PLD1: variants seen among roughly 807,000 people sequenced by gnomAD.
PLD1 encodes the protein choline phosphatase 1.
In PLD1, 112 loss-of-function variants were observed where a neutral mutation model predicts 137.1. That is an observed-to-expected ratio of 0.82 (90% confidence interval 0.70 to 0.96). PLD1 has a LOEUF of 0.96. PLD1 is among the 40% of genes least tolerant of loss of function. PLD1 has a pLI of 0.00. For missense variants in PLD1, 1,321 were observed against 1,342.0 expected (o/e 0.98, Z 0.24); for synonymous variants, 431 against 454.7 (o/e 0.95, Z 0.66).
intron 24 of PLD1, among the ~76,000 whole-genome samples, chr3:171,619,532 A>G (rs1453063524): frequency 1.3e-5 from 2 of 152,182 alleles, no homozygotes; most frequent in Non-Finnish European, 2.9e-5. Flanking sequence ...ACACATCAAC[A>G]AAGTTGGACT....
At chr3:171,770,888 C>CAAAAAAAAAAAAAAAAACAA (rs1722303160) in intron 1 of PLD1, among the ~76,000 whole-genome samples, 1 of 40,882 alleles carries the variant, frequency 2.4e-5, no homozygotes, top group African/African-American at 7.9e-5. Context: ...AACCCTATCT[C>CAAAAAAAAAAAAAAAAACAA]AAAAAAAAAA....
chr3:171,682,959 A>G (rs183235790), intron 16 of PLD1, among the ~76,000 whole-genome samples: 1 of 152,366 alleles, frequency 6.6e-6, no homozygotes, highest in East Asian at 1.9e-4. Context: ...TGAAAACAGT[A>G]CCAACAATGT....
At chr3:171,735,670 A>T (rs758806401) in intron 3 of PLD1, 33 bp from the exon 4 acceptor site, 1 of 1,285,552 alleles carries the variant, frequency 7.8e-7, no homozygotes, top group South Asian at 1.2e-5. Flanking sequence ...TTGATATTTT[A>T]GATAACAACA....
intron 1 of PLD1, among the ~76,000 whole-genome samples, chr3:171,754,476 C>G (rs972130920): frequency 6.6e-6 from 1 of 152,204 alleles, no homozygotes; most frequent in African/African-American, 2.4e-5. Context: ...AGTCCTGACC[C>G]CTCAACTTCA....
In PLD1 at chr3:171,709,671, C is replaced by T. The variant is rs371728710; in HGVS notation, c.950G>A (p.Arg317Gln). 49 of 1,613,872 alleles carry T rather than the reference C, an allele frequency of 3.0e-5. No individual in the cohort carries two copies. The highest frequency in any genetic ancestry group is 5.0e-5 in the Admixed American group (3 of 59,988). The change falls in exon 10 of 27, where the codon CGG (arginine) becomes CAG (glutamine). Residue 317 changes from arginine (R) to glutamine (Q), a missense_variant. Arg to Gln is a conservative substitution (Grantham distance 43, BLOSUM62 1). Coordinates refer to ENST00000351298, the MANE Select transcript of PLD1 (RefSeq NM_002662.5). The part of the protein sequence containing the change: ...ILKCNSYRHA[R>Q]WWGGAIEEFI... ...TTCTTCTATAGCCCCTCCCCACCAC[C>T]GAGCATGTCTATAGCTGTTGCATTT...
At chr3:171,672,826 G>A (rs149400257) in intron 19 of PLD1, among the ~76,000 whole-genome samples, 35 of 152,276 alleles carry the variant, frequency 2.3e-4, no homozygotes, top group Middle Eastern at 3.4e-3. Flanking sequence ...CGGAAAAAGC[G>A]AACGAAGAGA....
At chr3:171,628,695 GGCT>G (rs1436028970) in intron 23 of PLD1, among the ~76,000 whole-genome samples, 1 of 151,018 alleles carries the variant, frequency 6.6e-6, no homozygotes, top group African/African-American at 2.4e-5. Context: ...TGGGATGCAA[GGCT>G]GGTTCAATAT....
At chr3:171,706,276 T>TA (rs398106735) in intron 11 of PLD1, among the ~76,000 whole-genome samples, 55 of 152,028 alleles carry the variant, frequency 3.6e-4, no homozygotes, top group African/African-American at 1.3e-3. Flanking sequence ...TTTTTTTTTT[T>TA]AAATGCTGGT....
chr3:171,612,430 A>G lies in PLD1; in HGVS notation c.2731T>C (p.Ser911Pro). The stretch of plus-strand genomic sequence containing the variant: ...ATGCTGCGGTCATTTATGTTGGCAG[A>G]GCCTGTAAGGAGAAACAGTGAGGCT... ...IADDNTVIIG[S>P]ANINDRSMLG... The change falls in exon 25 of 27, where the codon TCT (serine) becomes CCT (proline). Residue 911 changes from serine to proline, a missense_variant and splice_region_variant. Physicochemically the swap from Ser to Pro is moderately conservative, Grantham distance 74. Coordinates refer to ENST00000351298, the MANE Select transcript of PLD1 (RefSeq NM_002662.5). The surrounding 1 kb of genome is among the most constrained non-coding windows in gnomAD (Gnocchi z 4.1). 1.2e-6 allele frequency: 2 copies of G among 1,613,868 alleles called. No individual in the cohort carries two copies. The highest frequency in any genetic ancestry group is 1.7e-6 in the Non-Finnish European group (2 of 1,179,808).
intron 1 of PLD1, among the ~76,000 whole-genome samples, chr3:171,756,604 T>C (rs900627142): frequency 1.3e-5 from 2 of 152,256 alleles, no homozygotes; most frequent in Non-Finnish European, 2.9e-5. Flanking sequence ...TAAGAATGCA[T>C]AGGCATAGTT....
chr3:171,736,039 T>C (rs1445545247), intron 3 of PLD1, among the ~76,000 whole-genome samples: 1 of 152,058 alleles, frequency 6.6e-6, no homozygotes, highest in East Asian at 1.9e-4. Flanking sequence ...GTGAGACGTA[T>C]TGTATACTAA....
At chr3:171,664,360 C>A (rs1226128700) in intron 19 of PLD1, among the ~76,000 whole-genome samples, 1 of 152,090 alleles carries the variant, frequency 6.6e-6, no homozygotes, top group East Asian at 1.9e-4. Context: ...ATGCAGGCTA[C>A]TTTGAGAAGA....
At chr3:171,762,702 A>C (rs1452595302) in intron 1 of PLD1, among the ~76,000 whole-genome samples, 1 of 152,210 alleles carries the variant, frequency 6.6e-6, no homozygotes, top group Admixed American at 6.5e-5. Flanking sequence ...AATCTAAGGA[A>C]CAATATATGC....
intron 1 of PLD1, among the ~76,000 whole-genome samples, chr3:171,801,358 AC>A (rs958876749): frequency 1.3e-5 from 2 of 152,156 alleles, no homozygotes; most frequent in African/African-American, 2.4e-5. Context: ...AGTCAAACCT[AC>A]CCCGTGTATC....
intron 1 of PLD1, among the ~76,000 whole-genome samples, chr3:171,764,045 C>T (rs1471077531): frequency 6.6e-6 from 1 of 152,118 alleles, no homozygotes; most frequent in Non-Finnish European, 1.5e-5. Context: ...GATCAAAGCT[C>T]ACTGTAGCGT....
chr3:171,662,037 G>C, intron 20 of PLD1, 23 bp downstream of exon 20: 1 of 1,379,550 alleles, frequency 7.2e-7, no homozygotes, highest in Non-Finnish European at 1.0e-6. Context: ...TTTCTCACAC[G>C]AATTTACATG....
At chr3:171,627,408 A>G (rs1734219021) in intron 23 of PLD1, among the ~76,000 whole-genome samples, 1 of 152,150 alleles carries the variant, frequency 6.6e-6, no homozygotes, top group Non-Finnish European at 1.5e-5. Flanking sequence ...CACAATAATA[A>G]TGGGAGACTT....
chr3:171,606,508 C>A (rs74910184), intron 25 of PLD1, among the ~76,000 whole-genome samples: 1,559 of 152,042 alleles, frequency 0.01, 14 homozygotes, highest in Admixed American at 0.018. Flanking sequence ...AGAAGAGGAC[C>A]GGGTGTATAT....
intron 21 of PLD1, among the ~76,000 whole-genome samples, chr3:171,658,074 T>A (rs1343461120): frequency 1.3e-5 from 2 of 152,102 alleles, no homozygotes; most frequent in African/African-American, 2.4e-5. Flanking sequence ...GTATCATTAG[T>A]CATTAGAGAA....
Sources: gnomAD v4.1 joint callset for allele counts (sites outside exome capture counted in the v4.1 genomes callset) on GRCh38, gnomAD v4.1.1 for gene constraint, Gnocchi (gnomAD v3.1) non-coding constraint, MANE v1.5 for transcripts, NCBI Gene and HGNC (gene_info 2026-07-23, HGNC 2026-07-21) for gene names.